Variants in LAMA1 observed in about 807,000 individuals in gnomAD.
LAMA1 encodes the protein laminin subunit alpha-1.
Under a neutral mutation model 348.7 loss-of-function variants are expected in LAMA1, and 219 were observed. The ratio of observed to expected loss-of-function variants is 0.63; its 90% CI spans 0.56 to 0.70. The LOEUF (loss-of-function observed/expected upper bound fraction) is 0.70, where lower values mean the gene tolerates loss of function less well. Among genes scored for constraint, LAMA1 ranks in the 30% least tolerant of loss-of-function variants. The pLI, the probability that LAMA1 is intolerant of heterozygous loss-of-function variation, is 0.00. For synonymous variants in LAMA1, 1,487 were observed against 1,491.0 expected (o/e 1.00, Z 0.06); for missense variants, 3,744 against 3,888.0 (o/e 0.96, Z 0.99).
intron 12 of LAMA1, among the ~76,000 whole-genome samples, chr18:7,037,350 C>G (rs1037052348): frequency 6.6e-6 from 1 of 152,192 alleles, no homozygotes; most frequent in Non-Finnish European, 1.5e-5. Flanking sequence ...ACACACTGCT[C>G]AGGAACCAGA....
Position 6,997,816 on chromosome 18 carries a change from G to A in LAMA1, c.4732C>T (p.Leu1578=), listed in dbSNP as rs748607304. 1 of 1,614,100 alleles carries A rather than the reference G, an allele frequency of 6.2e-7. No homozygotes were observed. The highest frequency in any genetic ancestry group is 8.5e-7 in the Non-Finnish European group (1 of 1,179,926). Residue 1578 remains leucine (L), a synonymous_variant, in exon 33 of 63, where the codon CTG becomes TTG. Transcript: ENST00000389658. ...LDEIGDAVLS[L]NLTGIIPVPY... Reference sequence around the variant, plus strand: ...ACAGGGATAATGCCAGTGAGGTTCAGAGAAAGAACGGCATCACCAATCTCA... The same window carrying A: ...ACAGGGATAATGCCAGTGAGGTTCAAAGAAAGAACGGCATCACCAATCTCA...
intron 13 of LAMA1, 50 bp from the exon 14 acceptor site, chr18:7,034,740 A>C: frequency 6.5e-7 from 1 of 1,527,258 alleles, no homozygotes; most frequent in Non-Finnish European, 9.0e-7. Flanking sequence ...ATTTAATGAT[A>C]AAATAAAAAT....
intron 54 of LAMA1, among the ~76,000 whole-genome samples, chr18:6,958,916 T>C (rs2057593835): frequency 6.6e-6 from 1 of 152,092 alleles, no homozygotes; most frequent in East Asian, 1.9e-4. Flanking sequence ...GATTTTCTTT[T>C]TCTTTTTTTT....
intron 51 of LAMA1, among the ~76,000 whole-genome samples, chr18:6,963,155 CT>C (rs1001756617): frequency 2.6e-5 from 4 of 152,008 alleles, no homozygotes; most frequent in Admixed American, 2.6e-4. Flanking sequence ...ATCTCAATTT[CT>C]TTCCATGTAA....
rs769123139 is a variant in LAMA1 at position 7,080,276 on chromosome 18, G to A, written c.232+11C>T. On this transcript the variant is annotated intron_variant, in intron 2 of 62. Transcript: ENST00000389658. ...CCATGGGAATTTCAGAAATAAAGGCGCGACACTTGCCTCTGGGGTTTGCGC... is the reference window on the plus strand; with the variant it reads ...CCATGGGAATTTCAGAAATAAAGGCACGACACTTGCCTCTGGGGTTTGCGC... 4.7e-5 allele frequency: 76 copies of A among 1,613,932 alleles called. No individual in the cohort carries two copies. The highest frequency in any genetic ancestry group is 6.7e-5 in the East Asian group (3 of 44,788).
intron 1 of LAMA1, among the ~76,000 whole-genome samples, chr18:7,104,680 C>T (rs920997895): frequency 6.6e-6 from 1 of 152,208 alleles, no homozygotes; most frequent in Admixed American, 6.5e-5. Flanking sequence ...GAATGAGATG[C>T]CATTGAAGCA....
At chr18:7,104,607 A>T (rs1485159111) in intron 1 of LAMA1, among the ~76,000 whole-genome samples, 3 of 152,224 alleles carry the variant, frequency 2.0e-5, no homozygotes, top group Non-Finnish European at 4.4e-5. Flanking sequence ...GTGGGAGAAG[A>T]GGCTGTGGAG....
intron 1 of LAMA1, among the ~76,000 whole-genome samples, chr18:7,102,894 AGTAAATAATCCTATTACAAAAAAT>A (rs2058297045): frequency 6.6e-6 from 1 of 152,230 alleles, no homozygotes; most frequent in African/African-American, 2.4e-5. Flanking sequence ...ATTCATCATC[AGTAAATAATCCTATTACAAAAAAT>A]GTAATCCATT....
intron 3 of LAMA1, among the ~76,000 whole-genome samples, chr18:7,054,775 G>A (rs1400160619): frequency 1.3e-5 from 2 of 152,118 alleles, no homozygotes; most frequent in African/African-American, 2.4e-5. Flanking sequence ...TACTCAATGT[G>A]AAGATGACAA....
chr18:7,063,571 C>T (rs1338421358), intron 3 of LAMA1, among the ~76,000 whole-genome samples: 1 of 152,132 alleles, frequency 6.6e-6, no homozygotes, highest in East Asian at 1.9e-4. Flanking sequence ...CAGCATTATT[C>T]ACAATAGCTA....
intron 34 of LAMA1, among the ~76,000 whole-genome samples, chr18:6,994,799 T>C (rs1217240668): frequency 2.0e-5 from 3 of 152,148 alleles, no homozygotes; most frequent in Admixed American, 2.0e-4. Context: ...ATGCCATTCC[T>C]CTGGCACAGG....
Position 7,040,003 on chromosome 18 carries a change from A to G in LAMA1, c.1422+73T>C, listed in dbSNP as rs1454761689. The G allele has an allele frequency of 2.6e-6, 4 of 1,543,412 alleles. No homozygotes were observed. The East Asian group carries it at 6.7e-5, about 26-fold the overall frequency. On this transcript the variant is annotated intron_variant, in intron 10 of 62. Coordinates refer to ENST00000389658, the MANE Select transcript of LAMA1 (RefSeq NM_005559.4). The stretch of plus-strand genomic sequence containing the variant: ...ACTTTGCTCAAGAACTGATCATTGG[A>G]GCCAATGGAAAACACTCCTTTTCCA...
chr18:6,997,070 TTTTTCTTTTTC>T (rs1453180157), intron 33 of LAMA1, among the ~76,000 whole-genome samples: 12 of 152,190 alleles, frequency 7.9e-5, no homozygotes, highest in African/African-American at 2.2e-4. Context: ...TTTCTTTTTC[TTTTTCTTTTTC>T]TGAGATGGAG....
chr18:7,084,105 G>A (rs984235554), intron 1 of LAMA1, among the ~76,000 whole-genome samples: 5 of 148,782 alleles, frequency 3.4e-5, no homozygotes, highest in Admixed American at 6.7e-5. Context: ...AAAAAGCGGC[G>A]GTGGGGCTGT....
intron 7 of LAMA1, among the ~76,000 whole-genome samples, chr18:7,043,634 T>C (rs1294737496): frequency 1.3e-5 from 2 of 152,164 alleles, no homozygotes; most frequent in African/African-American, 2.4e-5. Context: ...CTCCTGGGAT[T>C]ATATTTCGCA....
rs1191245417 is a variant in LAMA1, at chr18:7,038,882, G to A, written c.1491C>T (p.Pro497=). 1.2e-6 allele frequency: 2 copies of A among 1,614,030 alleles called. No homozygotes were observed. The highest frequency in any genetic ancestry group is 2.7e-5 in the African/African-American group (2 of 74,918). Residue 497 remains proline (P), a synonymous_variant, in exon 11 of 63, where the codon CCC becomes CCT. Transcript: ENST00000389658. ...PGFYNLKEKN[P]RGCSECFCFG... is the part of the protein sequence containing the mutation. ...AGCAGAAGCACTCGGAGCAGCCCCGGGGGTTTTTTTCCTTCAAGTTATAGA... is the reference window on the plus strand; with the variant it reads ...AGCAGAAGCACTCGGAGCAGCCCCGAGGGTTTTTTTCCTTCAAGTTATAGA...
At chr18:6,965,155 AC>A (rs2057626790) in intron 50 of LAMA1, 132 bp downstream of exon 50, 1 of 1,185,096 alleles carries the variant, frequency 8.4e-7, no homozygotes, top group African/African-American at 1.5e-5. Flanking sequence ...TATTCCAAAG[AC>A]AACACTGGCT....
intron 3 of LAMA1, among the ~76,000 whole-genome samples, chr18:7,072,424 C>T (rs1042511979): frequency 1.3e-5 from 2 of 152,160 alleles, no homozygotes; most frequent in African/African-American, 4.8e-5. Context: ...CCACATCACA[C>T]CACCAAAACC....
chr18:7,095,065 G>GT (rs779909400), intron 1 of LAMA1, among the ~76,000 whole-genome samples: 4,540 of 114,646 alleles, frequency 0.04, 320 homozygotes, highest in African/African-American at 0.11. Context: ...TCCCTTGACT[G>GT]TTTTTTTTTT....
Sources: allele counts gnomAD v4.1 joint callset (sites outside exome capture counted in the v4.1 genomes callset), GRCh38; gene constraint gnomAD v4.1.1; transcripts MANE v1.5; gene names NCBI Gene and HGNC (gene_info 2026-07-23, HGNC 2026-07-21).